The following COP1 variants were observed in gnomAD, a reference collection of about 807,000 sequenced individuals.
The protein encoded by COP1 is E3 ubiquitin-protein ligase COP1.
A neutral mutation model predicts 101.3 loss-of-function variants in COP1; 24 were observed. The observed-to-expected ratio is 0.24, with a 90% confidence interval of 0.17 to 0.33. The LOEUF is 0.33. Among genes scored for constraint, COP1 ranks in the 10% least tolerant of loss-of-function variants. The pLI, the probability that COP1 is intolerant of heterozygous loss-of-function variation, is 1.00. For missense variants in COP1, 663 were observed against 906.2 expected, an observed-to-expected ratio of 0.73 and a Z score of 3.45; for synonymous variants, 347 against 341.9, an observed-to-expected ratio of 1.01 and a Z score of -0.17.
At chr1:176,028,713 A>ATATATATATATATAGTTT (rs1207533721) in intron 14 of COP1, among the ~76,000 whole-genome samples, 1 of 132,898 alleles carries the variant, frequency 7.5e-6, no homozygotes, top group East Asian at 2.3e-4. Flanking sequence ...ATATATATAT[A>ATATATATATATATAGTTT]TATATATATA....
chr1:176,061,270 GA>G (rs1170829235), intron 11 of COP1, among the ~76,000 whole-genome samples: 1 of 152,220 alleles, frequency 6.6e-6, no homozygotes, highest in African/African-American at 2.4e-5. Context: ...ATGCCAACAG[GA>G]AAAGGTTATC....
chr1:176,207,229 G>T lies in COP1; in HGVS notation c.-251C>A, dbSNP rs1053730706. On this transcript the variant is annotated 5_prime_UTR_variant, in exon 1 of 20. Transcript: ENST00000367669. ...CTGTCGAGGCCGCCGCCGCCACCGC[G>T]GTCCCTGTAGCAGCCAACCCCGGCG... The T allele has an allele frequency of 3.0e-4, 119 of 400,200 alleles. No individual in the cohort carries two copies. Among genetic ancestry groups the T allele is most frequent in the Non-Finnish European group, 4.5e-4 (103 of 227,628 alleles). The allele number at this position is 400,200 out of a possible 1,614,324, so 24.8% of individuals were successfully genotyped here. A position where few individuals can be genotyped will look rare whatever the true frequency, so the allele number is the denominator to read the frequency against.
At chr1:176,107,175 T>C (rs1329241521) in intron 9 of COP1, among the ~76,000 whole-genome samples, 2 of 152,138 alleles carry the variant, frequency 1.3e-5, no homozygotes, top group African/African-American at 4.8e-5. Flanking sequence ...AATTAATGCA[T>C]ATATATTATG....
intron 18 of COP1, among the ~76,000 whole-genome samples, chr1:175,972,461 ATTTTTTTTT>A (rs35491036): frequency 7.7e-6 from 1 of 130,012 alleles, no homozygotes; most frequent in Admixed American, 7.8e-5. Context: ...AAATACAAGA[ATTTTTTTTT>A]TTTTTTTTTT....
chr1:176,178,177 T>C (rs1007831087), intron 2 of COP1, among the ~76,000 whole-genome samples: 1 of 152,088 alleles, frequency 6.6e-6, no homozygotes, highest in Non-Finnish European at 1.5e-5. Flanking sequence ...AAGCATAACG[T>C]AGGCAAGCAA....
intron 18 of COP1, 131 bp from the exon 19 acceptor site, chr1:175,947,370 A>ATTT (rs34272809): frequency 1.8e-3 from 870 of 489,088 alleles, no homozygotes; most frequent in Non-Finnish European, 2.2e-3. Context: ...TGAAGATACA[A>ATTT]TTTTTTTTTT....
intron 14 of COP1, among the ~76,000 whole-genome samples, chr1:176,031,287 C>T (rs1328109650): frequency 6.6e-6 from 1 of 151,870 alleles, no homozygotes; most frequent in Non-Finnish European, 1.5e-5. Flanking sequence ...CATCACAGAT[C>T]GAAAGATAAA....
At chr1:176,127,367 ATC>A (rs890131969) in intron 8 of COP1, among the ~76,000 whole-genome samples, 1 of 151,894 alleles carries the variant, frequency 6.6e-6, no homozygotes, top group African/African-American at 2.4e-5. Flanking sequence ...TCCACCTCTA[ATC>A]TCTGTTAACC....
At chr1:176,066,584 A>G (rs1178782233) in intron 11 of COP1, among the ~76,000 whole-genome samples, 1 of 152,172 alleles carries the variant, frequency 6.6e-6, no homozygotes, top group Non-Finnish European at 1.5e-5. Flanking sequence ...ATTTACTGGC[A>G]GCCCAGTGGC....
intron 12 of COP1, 77 bp from the exon 13 acceptor site, chr1:176,043,895 G>A (rs1671056149): frequency 1.2e-6 from 1 of 859,764 alleles, no homozygotes; most frequent in African/African-American, 1.7e-5. Context: ...AATGTGTTCA[G>A]AAAGATTTGC....
chr1:176,000,783 T>C (rs891743368), intron 15 of COP1, among the ~76,000 whole-genome samples: 2 of 152,056 alleles, frequency 1.3e-5, no homozygotes, highest in African/African-American at 4.8e-5. Context: ...TACCTTACTT[T>C]GTGTTATACA....
intron 8 of COP1, among the ~76,000 whole-genome samples, chr1:176,122,959 G>C (rs545967106): frequency 2.0e-5 from 3 of 152,128 alleles, no homozygotes; most frequent in Admixed American, 2.0e-4. Flanking sequence ...TAAGCTCAAA[G>C]GAATAAGACC....
chr1:176,056,783 C>G (rs1175436322), intron 11 of COP1, among the ~76,000 whole-genome samples: 1 of 151,918 alleles, frequency 6.6e-6, no homozygotes, highest in Non-Finnish European at 1.5e-5. Context: ...AGTATTTGAC[C>G]ATCTGATTTC....
At chr1:176,165,729 T>C (rs1024089337) in intron 3 of COP1, among the ~76,000 whole-genome samples, 6 of 151,906 alleles carry the variant, frequency 3.9e-5, no homozygotes, top group Admixed American at 2.6e-4. Context: ...AAAATCAATA[T>C]AGCTAAAACA....
chr1:176,202,285 G>T (rs1700344368), intron 1 of COP1, among the ~76,000 whole-genome samples: 1 of 150,650 alleles, frequency 6.6e-6, no homozygotes, highest in African/African-American at 2.4e-5. Context: ...GACCTCACAG[G>T]CTCAAGTGAT....
At chr1:176,161,336 C>G (rs1425693852) in intron 5 of COP1, among the ~76,000 whole-genome samples, 2 of 152,132 alleles carry the variant, frequency 1.3e-5, no homozygotes, top group African/African-American at 4.8e-5. Flanking sequence ...ACCCTATAAT[C>G]CCAGCACCCT....
intron 18 of COP1, among the ~76,000 whole-genome samples, chr1:175,960,748 G>C (rs916440690): frequency 6.6e-6 from 1 of 152,208 alleles, no homozygotes; most frequent in African/African-American, 2.4e-5. Context: ...AACTGGCTTT[G>C]ACAGAGGCTT....
At chr1:175,965,390 T>C (rs539838922) in intron 18 of COP1, among the ~76,000 whole-genome samples, 1 of 152,356 alleles carries the variant, frequency 6.6e-6, no homozygotes, top group African/African-American at 2.4e-5. Context: ...AGTGATACTA[T>C]TCAATTGTCC....
intron 9 of COP1, among the ~76,000 whole-genome samples, chr1:176,091,346 AAAAAAAAAAAAAC>A (rs1681251886): frequency 6.9e-5 from 1 of 14,428 alleles, no homozygotes; most frequent in African/African-American, 8.7e-5. Context: ...ACTCCGTCTC[AAAAAAAAAAAAAC>A]AAAAAAAAAA....
Sources: allele counts gnomAD v4.1 joint callset (sites outside exome capture counted in the v4.1 genomes callset), GRCh38; gene constraint gnomAD v4.1.1; transcripts MANE v1.5; gene names NCBI Gene and HGNC (gene_info 2026-07-23, HGNC 2026-07-21).